The following ARHGAP25 variants were observed in gnomAD, a reference collection of about 807,000 sequenced individuals.
ARHGAP25 encodes rho GTPase-activating protein 25.
Under a neutral mutation model 71.0 loss-of-function variants are expected in ARHGAP25, and 34 were observed. The ratio of observed to expected loss-of-function variants is 0.48; its 90% CI spans 0.36 to 0.64. The LOEUF is 0.64. ARHGAP25 is among the 30% of genes least tolerant of loss of function. ARHGAP25 has a pLI of 0.00. For missense variants in ARHGAP25, 706 were observed against 805.1 expected, an observed-to-expected ratio of 0.88 and a Z score of 1.49; for synonymous variants, 282 against 296.5, an observed-to-expected ratio of 0.95 and a Z score of 0.50.
In ARHGAP25 at chr2:68,784,266, A is replaced by T. The variant is rs72899832; in HGVS notation, c.349+1946A>T. 9.1e-3 allele frequency among the ~76,000 whole-genome samples: 1,387 copies of T among 152,280 alleles called. 19 individuals are homozygous for T. The highest frequency in any genetic ancestry group is 0.032 in the African/African-American group (1,316 of 41,558). On this transcript the variant is annotated intron_variant, in intron 3 of 10. Transcript: ENST00000409202. ...AATAATAAGATAGGAAACCATTTTC[A>T]TAAAGATACCATCATCTTCCAAGGT...
In ARHGAP25 at chr2:68,819,245, G is replaced by C. The variant is rs371873808; in HGVS notation, c.1126G>C (p.Val376Leu). The change falls in exon 9 of 11, where the codon GTG becomes CTG. Residue 376 changes from valine to leucine, a missense_variant. Coordinates refer to ENST00000409202, the MANE Select transcript of ARHGAP25 (RefSeq NM_001007231.3). ...GAAAAATGACCCCAAGAAAGCTCCA[G>C]TGGCCCGAAGCTCTGTAGGCTGGGA... ...AQKNDPKKAP[V>L]ARSSVGWDAT... 3 of 1,614,080 alleles carry C rather than the reference G, an allele frequency of 1.9e-6. No individual in the cohort carries two copies. The African/African-American group carries it at 4.0e-5, about 22-fold the overall frequency.
intron 1 of ARHGAP25, among the ~76,000 whole-genome samples, chr2:68,741,087 T>A (rs920958858): frequency 3.3e-5 from 5 of 152,234 alleles, no homozygotes; most frequent in African/African-American, 1.2e-4. Context: ...CTTTCCTTTC[T>A]TTATAGGCAG....
intron 4 of ARHGAP25, among the ~76,000 whole-genome samples, chr2:68,789,094 G>A (rs1021798033): frequency 1.3e-5 from 2 of 151,530 alleles, no homozygotes; most frequent in Non-Finnish European, 2.9e-5. Flanking sequence ...GTGCAGTGGC[G>A]TGATCTCGGC....
intron 2 of ARHGAP25, among the ~76,000 whole-genome samples, chr2:68,716,546 G>A (rs558265202): frequency 1.0e-3 from 157 of 152,240 alleles, no homozygotes; most frequent in African/African-American, 3.6e-3. Context: ...ATCCTTCCCT[G>A]AAGCTTGGGT....
At chr2:68,791,099 A>G (rs756288718) in intron 4 of ARHGAP25, among the ~76,000 whole-genome samples, 2 of 151,844 alleles carry the variant, frequency 1.3e-5, no homozygotes, top group Non-Finnish European at 2.9e-5. Context: ...ATCAAACATC[A>G]CCTTAGTAGG....
intron 1 of ARHGAP25, among the ~76,000 whole-genome samples, chr2:68,761,723 C>T (rs545084581): frequency 2.8e-4 from 43 of 152,200 alleles, no homozygotes; most frequent in African/African-American, 1.0e-3. Flanking sequence ...TATTAAAAAA[C>T]TGGAAGATAA....
In ARHGAP25 at chr2:68,799,813, A is replaced by C. The variant is rs935185828; in HGVS notation, c.467-7460A>C. Among the ~76,000 whole-genome samples, 12 of 152,310 alleles carry C rather than the reference A, an allele frequency of 7.9e-5. No homozygotes were observed. The East Asian group carries it at 2.3e-3, about 29-fold the overall frequency. ...CCATGGTTTCCTTTTTGGAGTCAGA[A>C]CCTGAGCAGTATTTGCAAGCATGTG... is the stretch of plus-strand genomic sequence containing the variant. On this transcript the variant is annotated intron_variant, in intron 4 of 10. Transcript: ENST00000409202.
At chr2:68,786,903 G>T (rs1678794608) in intron 3 of ARHGAP25, among the ~76,000 whole-genome samples, 1 of 152,190 alleles carries the variant, frequency 6.6e-6, no homozygotes, top group African/African-American at 2.4e-5. Context: ...AATTGAAAGG[G>T]ATCACTATTG....
At chr2:68,740,067 T>C (rs1675437190) in intron 1 of ARHGAP25, among the ~76,000 whole-genome samples, 1 of 152,158 alleles carries the variant, frequency 6.6e-6, no homozygotes, top group Non-Finnish European at 1.5e-5. Context: ...ATATGAAATA[T>C]GAAGACAGTC....
chr2:68,789,852 C>G (rs988591332), intron 4 of ARHGAP25, among the ~76,000 whole-genome samples: 2 of 152,150 alleles, frequency 1.3e-5, no homozygotes, highest in Non-Finnish European at 2.9e-5. Context: ...CACCGCACCC[C>G]GAGACCACCA....
At chr2:68,776,493 G>GT (rs1677932896) in intron 2 of ARHGAP25, among the ~76,000 whole-genome samples, 1 of 152,224 alleles carries the variant, frequency 6.6e-6, no homozygotes, top group Non-Finnish European at 1.5e-5. Flanking sequence ...GAGGAAAATG[G>GT]TCAGCTTCTG....
chr2:68,819,393 C>T (rs1397032734), intron 9 of ARHGAP25, 74 bp downstream of exon 9: 2 of 1,533,224 alleles, frequency 1.3e-6, no homozygotes, highest in African/African-American at 2.7e-5. Context: ...AAGGCCTGCT[C>T]TCGGGTGGCA....
At position 68,779,598 on chromosome 2, in the gene ARHGAP25, A is replaced by G. The variant is rs1678176319; in HGVS notation, c.262-2635A>G. Among the ~76,000 whole-genome samples, 6 of 152,234 alleles carry G rather than the reference A, an allele frequency of 3.9e-5. No homozygotes were observed. The South Asian group carries it at 1.2e-3, about 32-fold the overall frequency. On this transcript the variant is annotated intron_variant, in intron 2 of 10. Transcript: ENST00000409202. Reference sequence around the variant, plus strand: ...TCTAGATGAACTACAAATTGGATTTAAAAGTTATAGCTAGAGAATTCTAGA... The same window carrying G: ...TCTAGATGAACTACAAATTGGATTTGAAAGTTATAGCTAGAGAATTCTAGA...
chr2:68,751,172 C>T (rs760952211), intron 1 of ARHGAP25, among the ~76,000 whole-genome samples: 7 of 152,174 alleles, frequency 4.6e-5, no homozygotes, highest in Non-Finnish European at 7.3e-5. Context: ...AAAGGATGCT[C>T]ATCCTCACGC....
At chr2:68,737,098 C>T (rs1675262962) in intron 1 of ARHGAP25, among the ~76,000 whole-genome samples, 1 of 152,172 alleles carries the variant, frequency 6.6e-6, no homozygotes, top group Admixed American at 6.5e-5. Flanking sequence ...GAGCCCTTGT[C>T]ATTATCCATG....
chr2:68,803,413 A>G (rs1365147580), intron 4 of ARHGAP25, among the ~76,000 whole-genome samples: 2 of 152,168 alleles, frequency 1.3e-5, no homozygotes, highest in Admixed American at 1.3e-4. Context: ...ATGAAACCAG[A>G]TTGTGATGGG....
intron 4 of ARHGAP25, among the ~76,000 whole-genome samples, chr2:68,789,214 T>A (rs1449872466): frequency 6.6e-6 from 1 of 152,006 alleles, no homozygotes; most frequent in Admixed American, 6.6e-5. Flanking sequence ...TTTTTGTATT[T>A]TTTTTAGTAG....
At chr2:68,755,678 C>T (rs1156478525) in intron 1 of ARHGAP25, among the ~76,000 whole-genome samples, 2 of 152,164 alleles carry the variant, frequency 1.3e-5, no homozygotes, top group African/African-American at 4.8e-5. Context: ...AGTACAACTT[C>T]TACCTACCGC....
intron 2 of ARHGAP25, among the ~76,000 whole-genome samples, chr2:68,727,428 A>G (rs936165431): frequency 6.6e-6 from 1 of 152,198 alleles, no homozygotes; most frequent in Admixed American, 6.5e-5. Flanking sequence ...TCTCCCAGGA[A>G]TGTAAAGGTT....
Sources: gnomAD v4.1 joint callset for allele counts (sites outside exome capture counted in the v4.1 genomes callset) on GRCh38, gnomAD v4.1.1 for gene constraint, MANE v1.5 for transcripts, NCBI Gene and HGNC (gene_info 2026-07-23, HGNC 2026-07-21) for gene names.